Variants in PCDH9 observed in about 807,000 individuals in gnomAD.
The protein encoded by PCDH9 is protocadherin-9.
In PCDH9, 24 loss-of-function variants were observed where a neutral mutation model predicts 70.6. The ratio of observed to expected loss-of-function variants is 0.34; its 90% CI spans 0.25 to 0.48. The LOEUF is 0.48. PCDH9 is among the 20% of genes least tolerant of loss of function. The probability of loss-of-function intolerance (pLI) is 0.99; values close to 1 mark genes in which losing one functional copy is unlikely to be tolerated. For missense variants in PCDH9, 1,281 were observed against 1,503.6 expected (o/e 0.85, Z 2.45); for synonymous variants, 562 against 558.5 (o/e 1.01, Z -0.09).
chr13:66,640,904 C>T (rs550396328), intron 3 of PCDH9, among the ~76,000 whole-genome samples: 1 of 151,646 alleles, frequency 6.6e-6, no homozygotes, highest in South Asian at 2.1e-4. Flanking sequence ...TTTATGGAGT[C>T]TCACTCTGTC....
chr13:66,491,233 A>T (rs1479880692), intron 4 of PCDH9, among the ~76,000 whole-genome samples: 1 of 152,146 alleles, frequency 6.6e-6, no homozygotes, highest in East Asian at 1.9e-4. Context: ...TCTTTTTTAA[A>T]CAGTGGTTAA....
chr13:66,314,397 T>C (rs1955614695), intron 4 of PCDH9, among the ~76,000 whole-genome samples: 2 of 152,204 alleles, frequency 1.3e-5, no homozygotes, highest in Admixed American at 1.3e-4. Flanking sequence ...ATTTTCCTAA[T>C]CCATCTCTCA....
chr13:66,980,727 T>TTTG (rs2083729319), intron 2 of PCDH9, among the ~76,000 whole-genome samples: 4 of 87,268 alleles, frequency 4.6e-5, no homozygotes, highest in African/African-American at 1.5e-4. Flanking sequence ...TGTTTTTTTC[T>TTTG]TTGTTTTTTT....
chr13:67,174,867 A>AT (rs2088404334), intron 2 of PCDH9, among the ~76,000 whole-genome samples: 1 of 151,528 alleles, frequency 6.6e-6, no homozygotes, highest in Non-Finnish European at 1.5e-5. Flanking sequence ...TAAATTCAAT[A>AT]GGTCTTTAAA....
At chr13:66,487,017 G>T (rs1239662949) in intron 4 of PCDH9, among the ~76,000 whole-genome samples, 1 of 152,158 alleles carries the variant, frequency 6.6e-6, no homozygotes, top group Non-Finnish European at 1.5e-5. Flanking sequence ...TGACTAGTGA[G>T]TTTAACAATT....
chr13:66,716,865 G>A (rs2078871580), intron 3 of PCDH9, among the ~76,000 whole-genome samples: 1 of 152,070 alleles, frequency 6.6e-6, no homozygotes, highest in Non-Finnish European at 1.5e-5. Flanking sequence ...CCAGAACAAA[G>A]TGTCCACATG....
chr13:66,429,286 G>T (rs951507141), intron 4 of PCDH9, among the ~76,000 whole-genome samples: 1 of 151,612 alleles, frequency 6.6e-6, no homozygotes. Flanking sequence ...AGAATTCAGT[G>T]TATAGAAAAA....
At chr13:66,362,607 G>C (rs1566270197) in intron 4 of PCDH9, among the ~76,000 whole-genome samples, 1 of 152,054 alleles carries the variant, frequency 6.6e-6, no homozygotes, top group Non-Finnish European at 1.5e-5. Flanking sequence ...CTGAGAAGTT[G>C]AAGAGCTGAA....
At chr13:66,384,035 C>T (rs558718981) in intron 4 of PCDH9, among the ~76,000 whole-genome samples, 9 of 151,946 alleles carry the variant, frequency 5.9e-5, no homozygotes, top group South Asian at 4.2e-4. Context: ...ATGGTAATTT[C>T]GACAACATGA....
chr13:66,672,659 G>A (rs902142598), intron 3 of PCDH9, among the ~76,000 whole-genome samples: 1 of 152,184 alleles, frequency 6.6e-6, no homozygotes, highest in African/African-American at 2.4e-5. Flanking sequence ...GTTGGGAGGG[G>A]GGCTGTACTC....
intron 3 of PCDH9, among the ~76,000 whole-genome samples, chr13:66,730,876 G>GTTTTTTTTTTTTTTTTTTTT (rs758928616): frequency 2.2e-4 from 10 of 46,358 alleles, no homozygotes; most frequent in Non-Finnish European, 3.2e-4. Flanking sequence ...GTGTGTGTGT[G>GTTTTTTTTTTTTTTTTTTTT]TTTTTTTTTT....
At chr13:66,826,871 A>T (rs2080832952) in intron 3 of PCDH9, among the ~76,000 whole-genome samples, 1 of 152,186 alleles carries the variant, frequency 6.6e-6, no homozygotes, top group South Asian at 2.1e-4. Flanking sequence ...TAAAGAAACC[A>T]GCTTTGGTTT....
Position 66,307,814 on chromosome 13 carries a change from G to A in PCDH9, c.3341-2786C>T, listed in dbSNP as rs192241182. The stretch of plus-strand genomic sequence containing the variant: ...CTTATTAATTTAAGACATATCACTC[G>A]AAGATTGAGAATGTGTTGTGTGCGC... On this transcript the variant is annotated intron_variant, in intron 4 of 4. Coordinates refer to ENST00000377865, the MANE Select transcript of PCDH9 (RefSeq NM_203487.3). 1.6e-3 allele frequency among the ~76,000 whole-genome samples: 236 copies of A among 152,142 alleles called. 1 individual carries two copies. The highest frequency in any genetic ancestry group is 5.0e-4 in the Non-Finnish European group (34 of 67,962).
chr13:66,428,648 T>A (rs1435882934), intron 4 of PCDH9, among the ~76,000 whole-genome samples: 1 of 151,740 alleles, frequency 6.6e-6, no homozygotes, highest in African/African-American at 2.4e-5. Context: ...TCTATAAGGA[T>A]TGTATATATA....
chr13:66,867,822 A>G (rs150854920), intron 3 of PCDH9, among the ~76,000 whole-genome samples: 1 of 151,964 alleles, frequency 6.6e-6, no homozygotes, highest in Non-Finnish European at 1.5e-5. Flanking sequence ...TTTGAAAAAA[A>G]TCCTTTTTTT....
At chr13:66,580,233 A>C (rs2076871686) in intron 4 of PCDH9, among the ~76,000 whole-genome samples, 2 of 152,054 alleles carry the variant, frequency 1.3e-5, no homozygotes, top group African/African-American at 4.8e-5. Context: ...GTATCAACTT[A>C]AAACATCTTT....
intron 3 of PCDH9, among the ~76,000 whole-genome samples, chr13:66,903,065 TTAAC>T (rs1455713439): frequency 6.6e-6 from 1 of 151,848 alleles, no homozygotes; most frequent in Non-Finnish European, 1.5e-5. Context: ...AAATTCAAAT[TTAAC>T]TAGTCATATT....
At chr13:67,170,056 G>A (rs2088236927) in intron 2 of PCDH9, among the ~76,000 whole-genome samples, 1 of 152,062 alleles carries the variant, frequency 6.6e-6, no homozygotes, top group Non-Finnish European at 1.5e-5. Flanking sequence ...TTATTTGCAG[G>A]TGGTTCTGTC....
chr13:66,437,407 A>AG (rs1957891363), intron 4 of PCDH9, among the ~76,000 whole-genome samples: 1 of 129,868 alleles, frequency 7.7e-6, no homozygotes, highest in African/African-American at 4.1e-5. Context: ...TCTGTCTCAA[A>AG]AAAAAAAAAA....
Sources: gnomAD v4.1 joint callset for allele counts (sites outside exome capture counted in the v4.1 genomes callset) on GRCh38, gnomAD v4.1.1 for gene constraint, MANE v1.5 for transcripts, NCBI Gene and HGNC (gene_info 2026-07-23, HGNC 2026-07-21) for gene names.